The following GALNT8 variants were observed in gnomAD, a reference collection of about 807,000 sequenced individuals.
GALNT8 encodes probable polypeptide N-acetylgalactosaminyltransferase 8.
GALNT8 carries 66 observed loss-of-function variants against 62.7 expected under a neutral mutation model. That is an observed-to-expected ratio of 1.05 (90% CI 0.86 to 1.29). GALNT8 has a LOEUF of 1.29. Among genes scored for constraint, GALNT8 ranks in the 50% most tolerant of loss-of-function variants. GALNT8 has a pLI of 0.00. For synonymous variants in GALNT8, 288 were observed against 294.3 expected (o/e 0.98, Z 0.22); for missense variants, 771 against 791.8 (o/e 0.97, Z 0.32).
At chr12:4,722,550 G>C (rs1946175701) in intron 1 of GALNT8, among the ~76,000 whole-genome samples, 1 of 152,218 alleles carries the variant, frequency 6.6e-6, no homozygotes, top group African/African-American at 2.4e-5. Flanking sequence ...TCTGGGGTTT[G>C]TTTGTGATTC....
chr12:4,763,144 A>G, intron 7 of GALNT8, 109 bp from the exon 8 acceptor site: 1 of 872,284 alleles, frequency 1.1e-6, no homozygotes, highest in Non-Finnish European at 1.9e-6. Context: ...CAGTCCGTCC[A>G]CAAGGACTCA....
At chr12:4,744,747 T>G in intron 4 of GALNT8, 47 bp downstream of exon 4, 23 of 1,324,142 alleles carry the variant, frequency 1.7e-5, no homozygotes, top group East Asian at 2.3e-5. Context: ...AGAGAGGAGA[T>G]ATTGTGCATG....
chr12:4,749,334 C>T lies in GALNT8; in HGVS notation c.1173+3076C>T, dbSNP rs1209817979. On this transcript the variant is annotated intron_variant, in intron 6 of 10. Transcript: ENST00000252318. The surrounding 1 kb of genome is among the most constrained non-coding windows in gnomAD (Gnocchi z 4.1). ...TATGTTAAGGTATGTTTCTTCTATA[C>T]TTAGTTTTTTGAGGGGTTTTAAATC... is the stretch of plus-strand genomic sequence containing the variant. 6.6e-6 allele frequency among the ~76,000 whole-genome samples: 1 copy of T among 152,008 alleles called. No individual in the cohort carries two copies.
chr12:4,765,029 C>T (rs931811324), intron 9 of GALNT8, among the ~76,000 whole-genome samples: 1 of 152,016 alleles, frequency 6.6e-6, no homozygotes, highest in Admixed American at 6.6e-5. Context: ...AGTGTCAGAC[C>T]AGGAATTTGA....
intron 2 of GALNT8, among the ~76,000 whole-genome samples, chr12:4,737,998 T>TA (rs912084112): frequency 2.6e-5 from 4 of 152,224 alleles, no homozygotes; most frequent in Non-Finnish European, 4.4e-5. Context: ...GGACTGACAC[T>TA]AACCTACCTG....
chr12:4,734,259 A>C (rs539785267), intron 2 of GALNT8, among the ~76,000 whole-genome samples: 4 of 152,268 alleles, frequency 2.6e-5, no homozygotes, highest in Non-Finnish European at 4.4e-5. Context: ...GACAGCTGTG[A>C]CTCGAGTGAA....
Position 4,720,665 on chromosome 12 carries a change from C to G in GALNT8, c.-13C>G, listed in dbSNP as rs1316877372. On this transcript the variant is annotated 5_prime_UTR_variant, in exon 1 of 11. Coordinates refer to ENST00000252318, the MANE Select transcript of GALNT8 (RefSeq NM_017417.2). The stretch of plus-strand genomic sequence containing the variant: ...CTCAGTCCCACAGGGAGTGGACGAC[C>G]CCCAGGAAGAAGATGATGTTTTGGA... 3 of 1,568,786 alleles carry G rather than the reference C, an allele frequency of 1.9e-6. No homozygotes were observed. In the African/African-American group the frequency reaches 4.1e-5, roughly 21 times the overall value.
At position 4,733,186 on chromosome 12, in the gene GALNT8, G is replaced by A. The variant is rs190409111; in HGVS notation, c.510-5977G>A. Among the ~76,000 whole-genome samples, 19 of 152,330 alleles carry A rather than the reference G, an allele frequency of 1.2e-4. No individual in the cohort carries two copies. The East Asian group carries it at 1.5e-3, about 12-fold the overall frequency. On this transcript the variant is annotated intron_variant, in intron 2 of 10. Transcript: ENST00000252318. ...CATTTAGGTTTTGGTTACATTAGCCGTATTATAAGTGCTTGATAGGCACAT... is the reference window on the plus strand; with the variant it reads ...CATTTAGGTTTTGGTTACATTAGCCATATTATAAGTGCTTGATAGGCACAT...
chr12:4,765,554 A>G lies in GALNT8; in HGVS notation c.1761+8A>G, dbSNP rs1946396018. ...TATTGGGATTTTAAACCGGTGAGTT[A>G]TGTGTTTTTGTTTGTTGGTTTGTTT... On this transcript the variant is annotated splice_region_variant and intron_variant, in intron 10 of 10. Transcript: ENST00000252318. 10 of 1,595,834 alleles carry G rather than the reference A, an allele frequency of 6.3e-6. No homozygotes were observed. Among genetic ancestry groups the G allele is most frequent in the South Asian group, 1.1e-5 (1 of 89,632 alleles).
intron 3 of GALNT8, among the ~76,000 whole-genome samples, chr12:4,739,734 G>A (rs1384068094): frequency 2.0e-5 from 3 of 148,390 alleles, no homozygotes; most frequent in Non-Finnish European, 4.5e-5. Context: ...GTGGGATCTC[G>A]GCTCACTGCA....
At chr12:4,770,706 T>C (rs1379245867) in intron 10 of GALNT8, among the ~76,000 whole-genome samples, 1 of 152,076 alleles carries the variant, frequency 6.6e-6, no homozygotes, top group East Asian at 1.9e-4. Context: ...GGCTACACAG[T>C]GTAGTAAATG....
chr12:4,763,457 C>A, intron 8 of GALNT8, 67 bp downstream of exon 8: 1 of 1,322,946 alleles, frequency 7.6e-7, no homozygotes, highest in Non-Finnish European at 1.1e-6. Context: ...CGGCCTGAAT[C>A]TCGTGATTGC....
intron 6 of GALNT8, among the ~76,000 whole-genome samples, chr12:4,753,376 T>A (rs1357256202): frequency 6.6e-6 from 1 of 152,206 alleles, no homozygotes; most frequent in East Asian, 1.9e-4. Context: ...TTCTTTTGTC[T>A]CCTCTGACTA....
intron 2 of GALNT8, among the ~76,000 whole-genome samples, chr12:4,734,778 C>T (rs566856245): frequency 1.2e-4 from 18 of 152,134 alleles, no homozygotes; most frequent in South Asian, 4.2e-4. Flanking sequence ...CTGGTCTGTC[C>T]GTCCTCATAT....
At chr12:4,768,577 G>A in intron 10 of GALNT8, 2 of 247,250 alleles carry the variant, frequency 8.1e-6, no homozygotes, top group South Asian at 4.8e-5. Context: ...TGTGAGATCT[G>A]GAAGGCAGAA....
At position 4,726,258 on chromosome 12, in the gene GALNT8, A is replaced by T. The variant is rs1179147145; in HGVS notation, c.212-274A>T. Among the ~76,000 whole-genome samples the T allele has an allele frequency of 1.3e-5, 2 of 152,136 alleles. No homozygotes were observed. Among genetic ancestry groups the T allele is most frequent in the African/African-American group, 4.8e-5 (2 of 41,420 alleles). On this transcript the variant is annotated intron_variant, in intron 1 of 10. Transcript: ENST00000252318. This position sits in a 1 kb window ranked among gnomAD's most constrained non-coding sequence, Gnocchi z 4.1. Reference sequence around the variant, plus strand: ...AGCTTATTTTCCATCTGTTTCTCAGATCATAGTCAGTTCTTCGAGGAGCTT... The same window carrying T: ...AGCTTATTTTCCATCTGTTTCTCAGTTCATAGTCAGTTCTTCGAGGAGCTT...
rs1242639850 is a variant in GALNT8, at chr12:4,736,102, T to C, written c.510-3061T>C. Among the ~76,000 whole-genome samples the C allele has an allele frequency of 3.9e-5, 6 of 152,248 alleles. No individual in the cohort carries two copies. The East Asian group carries it at 1.2e-3, about 29-fold the overall frequency. ...AAGAGCCCTCCTTGGATCACACTTA[T>C]CTCTGGGTCATCTAGAAGTTTGTGT... is the stretch of plus-strand genomic sequence containing the variant. On this transcript the variant is annotated intron_variant, in intron 2 of 10. Coordinates refer to ENST00000252318, the MANE Select transcript of GALNT8 (RefSeq NM_017417.2).
chr12:4,766,018 G>A (rs554952142), intron 10 of GALNT8, among the ~76,000 whole-genome samples: 7 of 152,294 alleles, frequency 4.6e-5, no homozygotes, highest in South Asian at 4.1e-4. Context: ...TGATCCGCCC[G>A]ACTCAGCCTC....
chr12:4,726,736 C>A lies in GALNT8; in HGVS notation c.416C>A (p.Ala139Glu), dbSNP rs766345836. ...GATCTTTCTGAGGCCCAGCAGAAGG[C>A]GGCCCAGGACCTCTTCCGGAAGTTT... ...GEDLSEAQQK[A>E]AQDLFRKFGY... The change falls in exon 2 of 11, where the codon GCG becomes GAG. Residue 139 changes from alanine (A) to glutamate (E), a missense_variant. By Grantham distance (107) the Ala-to-Glu change is moderately radical. Transcript: ENST00000252318. The surrounding 1 kb of genome is among the most constrained non-coding windows in gnomAD (Gnocchi z 4.1). The A allele has an allele frequency of 1.2e-6, 2 of 1,613,832 alleles. No individual in the cohort carries two copies. The highest frequency in any genetic ancestry group is 1.7e-6 in the Non-Finnish European group (2 of 1,179,826).
Sources: gnomAD v4.1 joint callset for allele counts (sites outside exome capture counted in the v4.1 genomes callset) on GRCh38, gnomAD v4.1.1 for gene constraint, Gnocchi (gnomAD v3.1) non-coding constraint, MANE v1.5 for transcripts, NCBI Gene and HGNC (gene_info 2026-07-23, HGNC 2026-07-21) for gene names.